The following CACNA2D1 variants were observed in gnomAD, a reference collection of about 807,000 sequenced individuals.
The protein encoded by CACNA2D1 is voltage-dependent calcium channel subunit alpha-2/delta-1.
Under a neutral mutation model 171.5 loss-of-function variants are expected in CACNA2D1, and 53 were observed. The observed-to-expected ratio is 0.31, with a 90% CI of 0.25 to 0.39. The LOEUF (loss-of-function observed/expected upper bound fraction) is 0.39, where lower values mean the gene tolerates loss of function less well. Ranked by LOEUF, CACNA2D1 falls within the 10% of genes least tolerant of loss-of-function variation. The probability of loss-of-function intolerance (pLI) is 1.00; values close to 1 mark genes in which losing one functional copy is unlikely to be tolerated. For missense variants in CACNA2D1, 903 were observed against 1,299.8 expected (o/e 0.69, Z 4.69); for synonymous variants, 442 against 443.1 (o/e 1.00, Z 0.03).
chr7:81,960,302 C>T (rs981662596), intron 36 of CACNA2D1, among the ~76,000 whole-genome samples: 11 of 151,986 alleles, frequency 7.2e-5, no homozygotes, highest in Non-Finnish European at 1.0e-4. Context: ...AAAAGTTGTT[C>T]GCACTGTCCA....
intron 3 of CACNA2D1, among the ~76,000 whole-genome samples, chr7:82,186,437 A>C (rs1030585207): frequency 6.6e-6 from 1 of 152,104 alleles, no homozygotes; most frequent in Non-Finnish European, 1.5e-5. Flanking sequence ...TTTGTAAAGG[A>C]CTAAAATCAC....
intron 1 of CACNA2D1, among the ~76,000 whole-genome samples, chr7:82,405,149 G>C (rs1411807942): frequency 6.6e-6 from 1 of 151,944 alleles, no homozygotes; most frequent in East Asian, 1.9e-4. Context: ...CACTGTTCTT[G>C]GGATTTCTGG....
chr7:82,401,222 C>T (rs1236004467), intron 1 of CACNA2D1, among the ~76,000 whole-genome samples: 4 of 152,026 alleles, frequency 2.6e-5, no homozygotes, highest in African/African-American at 7.2e-5. Flanking sequence ...ACCCAAAGGA[C>T]TATAAATCAT....
chr7:82,137,357 T>C (rs1319926963), intron 4 of CACNA2D1, among the ~76,000 whole-genome samples: 1 of 152,102 alleles, frequency 6.6e-6, no homozygotes, highest in Non-Finnish European at 1.5e-5. Flanking sequence ...AAAATGGAAA[T>C]GGATTAATAA....
chr7:82,150,499 T>A (rs1258755872), intron 4 of CACNA2D1, among the ~76,000 whole-genome samples: 1 of 151,984 alleles, frequency 6.6e-6, no homozygotes, highest in Non-Finnish European at 1.5e-5. Flanking sequence ...AGAAAAACCT[T>A]TGCATCATTT....
At chr7:81,959,530 T>A (rs1793848070) in intron 37 of CACNA2D1, among the ~76,000 whole-genome samples, 173 bp from the exon 38 acceptor site, 1 of 152,086 alleles carries the variant, frequency 6.6e-6, no homozygotes, top group Non-Finnish European at 1.5e-5. Context: ...GAATTATCCT[T>A]TTCTGGGGCA....
At chr7:82,403,016 C>G (rs1826614049) in intron 1 of CACNA2D1, among the ~76,000 whole-genome samples, 1 of 151,774 alleles carries the variant, frequency 6.6e-6, no homozygotes, top group South Asian at 2.1e-4. Flanking sequence ...AACCTGGTAG[C>G]CAACTAAATT....
intron 6 of CACNA2D1, among the ~76,000 whole-genome samples, chr7:82,107,796 C>T (rs1448238159): frequency 6.6e-6 from 1 of 151,888 alleles, no homozygotes; most frequent in East Asian, 1.9e-4. Context: ...GTTGGCCAGG[C>T]TGGTCTCGAA....
chr7:82,040,969 C>G (rs1195766403), intron 10 of CACNA2D1, among the ~76,000 whole-genome samples: 1 of 151,666 alleles, frequency 6.6e-6, no homozygotes, highest in Non-Finnish European at 1.5e-5. Flanking sequence ...GAGCGAAACT[C>G]CATCTCAGAA....
chr7:81,956,831 G>A (rs543809837), intron 38 of CACNA2D1, among the ~76,000 whole-genome samples: 8 of 130,886 alleles, frequency 6.1e-5, no homozygotes, highest in Non-Finnish European at 1.0e-4. Flanking sequence ...CATTAGAAAA[G>A]AAATTGCAAA....
chr7:82,148,721 T>C (rs1271821212), intron 4 of CACNA2D1, among the ~76,000 whole-genome samples: 3 of 152,162 alleles, frequency 2.0e-5, no homozygotes, highest in Admixed American at 6.5e-5. Context: ...CAGTGCAACC[T>C]CCGCCTCCCA....
chr7:81,956,378 A>G (rs1192550625), intron 38 of CACNA2D1, among the ~76,000 whole-genome samples: 1 of 152,078 alleles, frequency 6.6e-6, no homozygotes, highest in Admixed American at 6.6e-5. Flanking sequence ...TCTTATCTAA[A>G]AATTCTATGA....
chr7:82,088,468 C>T (rs376004440), intron 6 of CACNA2D1, among the ~76,000 whole-genome samples: 9 of 152,134 alleles, frequency 5.9e-5, no homozygotes, highest in East Asian at 5.8e-4. Flanking sequence ...TAAATATCAA[C>T]AAAATTCAAC....
chr7:81,980,172 C>CAAAAAAAAAAAAAAAAA (rs35616922), intron 24 of CACNA2D1, among the ~76,000 whole-genome samples: 9 of 25,254 alleles, frequency 3.6e-4, no homozygotes, highest in African/African-American at 7.7e-4. Context: ...TAAAACCAAG[C>CAAAAAAAAAAAAAAAAA]AAAAAAAAAA....
At chr7:82,095,075 C>T (rs1053534020) in intron 6 of CACNA2D1, among the ~76,000 whole-genome samples, 1 of 152,166 alleles carries the variant, frequency 6.6e-6, no homozygotes, top group African/African-American at 2.4e-5. Context: ...CTCTTTCAAA[C>T]ACAACAAGCC....
In CACNA2D1 at chr7:81,949,452, A is replaced by C. The variant is rs1248094370; in HGVS notation, c.*940T>G. On this transcript the variant is annotated 3_prime_UTR_variant, in exon 39 of 39. Coordinates refer to ENST00000356860, the MANE Select transcript of CACNA2D1 (RefSeq NM_000722.4). ...TTTTCAATGACTACACTCTACAGTAAGAGAAAAAACAACTGAAAAGTTAAA... is the reference window on the plus strand; with the variant it reads ...TTTTCAATGACTACACTCTACAGTACGAGAAAAAACAACTGAAAAGTTAAA... 6.6e-6 allele frequency: 1 copy of C among 152,218 alleles called. No individual in the cohort carries two copies. The highest frequency in any genetic ancestry group is 6.6e-5 in the Admixed American group (1 of 15,266). The allele number at this position is 152,218 out of a possible 1,614,324, so 9.4% of individuals were successfully genotyped here. A position where few individuals can be genotyped will look rare whatever the true frequency, so the allele number is the denominator to read the frequency against.
intron 3 of CACNA2D1, among the ~76,000 whole-genome samples, chr7:82,220,155 C>T (rs1369633521): frequency 6.6e-6 from 1 of 152,114 alleles, no homozygotes; most frequent in Non-Finnish European, 1.5e-5. Flanking sequence ...TATCTGTTAA[C>T]ATCTACGAAA....
intron 10 of CACNA2D1, among the ~76,000 whole-genome samples, chr7:82,054,186 T>C (rs944743917): frequency 6.6e-6 from 1 of 152,250 alleles, no homozygotes; most frequent in African/African-American, 2.4e-5. Context: ...ATAAAATTCA[T>C]TCAAAGCTTG....
intron 3 of CACNA2D1, among the ~76,000 whole-genome samples, chr7:82,217,390 C>CATAAATATATATAT (rs1199331212): frequency 3.7e-5 from 2 of 54,446 alleles, no homozygotes; most frequent in African/African-American, 1.3e-4. Context: ...CACACACACA[C>CATAAATATATATAT]ATACATATAT....
Sources: allele counts gnomAD v4.1 joint callset (sites outside exome capture counted in the v4.1 genomes callset), GRCh38; gene constraint gnomAD v4.1.1; transcripts MANE v1.5; gene names NCBI Gene and HGNC (gene_info 2026-07-23, HGNC 2026-07-21).